PHACTR1: variants seen among roughly 807,000 people sequenced by gnomAD.
PHACTR1 encodes the protein phosphatase and actin regulator 1.
PHACTR1 carries 16 observed loss-of-function variants against 69.2 expected under a neutral mutation model. That is an observed-to-expected ratio of 0.23 (90% CI 0.16 to 0.35). The LOEUF is 0.35. Among genes scored for constraint, PHACTR1 ranks in the 10% least tolerant of loss-of-function variants. The pLI, the probability that PHACTR1 is intolerant of heterozygous loss-of-function variation, is 1.00. For missense variants in PHACTR1, 510 were observed against 734.7 expected (o/e 0.69, Z 3.54); for synonymous variants, 312 against 284.5 (o/e 1.10, Z -0.97).
chr6:13,232,796 C>T (rs989416882), intron 10 of PHACTR1, among the ~76,000 whole-genome samples: 3 of 152,130 alleles, frequency 2.0e-5, no homozygotes, highest in Admixed American at 2.0e-4. Flanking sequence ...ACTCCTGACC[C>T]AGCTTGTTCA....
chr6:12,919,000 GA>G (rs1308292344), intron 4 of PHACTR1, among the ~76,000 whole-genome samples: 1 of 151,922 alleles, frequency 6.6e-6, no homozygotes, highest in Non-Finnish European at 1.5e-5. Flanking sequence ...AATTTTTTTT[GA>G]AATAGAGATG....
intron 4 of PHACTR1, among the ~76,000 whole-genome samples, chr6:12,751,960 T>C (rs141220453): frequency 1.4e-3 from 206 of 152,116 alleles, no homozygotes; most frequent in Non-Finnish European, 2.5e-3. Context: ...GAGGGATGGG[T>C]ACTCTTTCCC....
rs560126641 is a variant in PHACTR1, at chr6:12,833,267, C to CT, written c.250+83486dup. Among the ~76,000 whole-genome samples the CT allele has an allele frequency of 7.7e-3, 1,150 of 149,132 alleles. 19 individuals carry two copies. The highest frequency in any genetic ancestry group is 0.025 in the African/African-American group (1,036 of 40,630). ...CACAAACCTGTAGTTCTTTTTTTTT[C>CT]TTTTTTTTTGAGATGGAGTCCTGCT... On this transcript the variant is annotated intron_variant, in intron 4 of 14. Coordinates refer to ENST00000332995, the MANE Select transcript of PHACTR1 (RefSeq NM_030948.6).
intron 4 of PHACTR1, among the ~76,000 whole-genome samples, chr6:12,874,270 C>A (rs1340729190): frequency 6.6e-6 from 1 of 152,138 alleles, no homozygotes; most frequent in Non-Finnish European, 1.5e-5. Context: ...TCTAGAGAAA[C>A]TCTGGATCCT....
chr6:12,777,484 G>T (rs919703499), intron 4 of PHACTR1, among the ~76,000 whole-genome samples: 1 of 151,856 alleles, frequency 6.6e-6, no homozygotes, highest in Non-Finnish European at 1.5e-5. Context: ...GAGAACATGC[G>T]TATTTCATTT....
intron 4 of PHACTR1, among the ~76,000 whole-genome samples, chr6:12,921,153 C>A (rs1323868336): frequency 6.6e-6 from 1 of 152,202 alleles, no homozygotes; most frequent in Non-Finnish European, 1.5e-5. Context: ...ACCAAGCACC[C>A]TAAGCTTGTC....
chr6:12,717,306 G>C (rs1486738544), intron 1 of PHACTR1, among the ~76,000 whole-genome samples: 1 of 151,402 alleles, frequency 6.6e-6, no homozygotes, highest in African/African-American at 2.4e-5. Context: ...TTCTTTTGTA[G>C]CTGCAAATCA....
intron 4 of PHACTR1, among the ~76,000 whole-genome samples, chr6:12,988,437 C>T (rs567362054): frequency 2.4e-4 from 36 of 152,200 alleles, no homozygotes; most frequent in African/African-American, 6.5e-4. Context: ...AGTATTGAAG[C>T]GGAGGCTCCC....
intron 4 of PHACTR1, chr6:12,933,880 A>G (rs771829516): frequency 6.2e-7 from 1 of 1,612,592 alleles, no homozygotes; most frequent in Non-Finnish European, 8.5e-7. Flanking sequence ...TAGAGGGGGA[A>G]GAGTTTGGCT....
chr6:13,206,208 C>T, intron 8 of PHACTR1, 72 bp downstream of exon 8: 1 of 1,399,120 alleles, frequency 7.1e-7, no homozygotes, highest in Non-Finnish European at 9.6e-7. Flanking sequence ...GGGATTTGGA[C>T]CATGACTTAG....
intron 4 of PHACTR1, among the ~76,000 whole-genome samples, chr6:12,965,077 G>A (rs767220679): frequency 4.6e-5 from 7 of 152,116 alleles, no homozygotes; most frequent in South Asian, 4.1e-4. Context: ...TCTAGCTTAC[G>A]TATAATACCT....
intron 8 of PHACTR1, among the ~76,000 whole-genome samples, chr6:13,216,921 A>C (rs1767760321): frequency 6.6e-6 from 1 of 152,188 alleles, no homozygotes; most frequent in Admixed American, 6.5e-5. Flanking sequence ...AAGACTTAAG[A>C]GGATTAAAAA....
intron 5 of PHACTR1, among the ~76,000 whole-genome samples, chr6:13,133,758 C>T (rs1430301013): frequency 4.0e-5 from 6 of 151,750 alleles, no homozygotes; most frequent in Non-Finnish European, 7.4e-5. Flanking sequence ...GGCCGCCCAT[C>T]GTCTGGGATG....
At chr6:13,077,338 C>A (rs986062357) in intron 5 of PHACTR1, among the ~76,000 whole-genome samples, 18 of 152,180 alleles carry the variant, frequency 1.2e-4, no homozygotes, top group African/African-American at 4.3e-4. Flanking sequence ...GCTCATATCT[C>A]AGTGAGTTGA....
chr6:12,782,437 C>T (rs1056772459), intron 4 of PHACTR1, among the ~76,000 whole-genome samples: 4 of 152,154 alleles, frequency 2.6e-5, no homozygotes, highest in Non-Finnish European at 5.9e-5. Flanking sequence ...TTCACAGGGA[C>T]AAGCTGTAAT....
chr6:13,057,485 A>G lies in PHACTR1; in HGVS notation c.415+3956A>G, dbSNP rs532100966. Among the ~76,000 whole-genome samples the G allele has an allele frequency of 3.3e-5, 5 of 152,254 alleles. No individual in the cohort carries two copies. In the South Asian group the frequency reaches 1.0e-3, roughly 32 times the overall value. On this transcript the variant is annotated intron_variant, in intron 5 of 14. Coordinates refer to ENST00000332995, the MANE Select transcript of PHACTR1 (RefSeq NM_030948.6). ...TGAACACACAAAAAGACATCAATAC[A>G]ATGTTTACTTTGCTTGTTATTGTTT... is the stretch of plus-strand genomic sequence containing the variant.
At chr6:13,281,174 T>C (rs1188462849) in intron 12 of PHACTR1, 3 of 1,243,232 alleles carry the variant, frequency 2.4e-6, no homozygotes, top group East Asian at 5.7e-5. Flanking sequence ...AGATAGGACA[T>C]TAGTAAAATC....
At chr6:12,827,172 C>T (rs1016386786) in intron 4 of PHACTR1, among the ~76,000 whole-genome samples, 84 of 152,140 alleles carry the variant, frequency 5.5e-4, no homozygotes, top group African/African-American at 1.9e-3. Context: ...AGGACTTTTT[C>T]TATCTTTTAC....
intron 4 of PHACTR1, among the ~76,000 whole-genome samples, chr6:12,944,371 C>T (rs896419466): frequency 6.6e-6 from 1 of 152,198 alleles, no homozygotes; most frequent in Admixed American, 6.5e-5. Context: ...GCAAAACATA[C>T]TAAGGAGGAT....
Sources: gnomAD v4.1 joint callset for allele counts (sites outside exome capture counted in the v4.1 genomes callset) on GRCh38, gnomAD v4.1.1 for gene constraint, MANE v1.5 for transcripts, NCBI Gene and HGNC (gene_info 2026-07-23, HGNC 2026-07-21) for gene names.